ECT2: variants seen among roughly 807,000 people sequenced by gnomAD.
The protein encoded by ECT2 is protein ECT2.
In ECT2, 61 loss-of-function variants were observed where a neutral mutation model predicts 116.9. That is an observed-to-expected ratio of 0.52 (90% CI 0.42 to 0.65). ECT2 has a LOEUF of 0.65. Among genes scored for constraint, ECT2 ranks in the 30% least tolerant of loss-of-function variants. The pLI is 0.00. For missense variants in ECT2, 937 were observed against 1,078.7 expected (o/e 0.87, Z 1.84); for synonymous variants, 358 against 346.4 (o/e 1.03, Z -0.37).
intron 15 of ECT2, among the ~76,000 whole-genome samples, chr3:172,782,915 G>A (rs546935370): frequency 3.8e-4 from 57 of 151,990 alleles, no homozygotes; most frequent in African/African-American, 9.4e-4. Context: ...TAGTGTATAT[G>A]TACCACATTT....
intron 13 of ECT2, among the ~76,000 whole-genome samples, chr3:172,770,556 T>C (rs749803085): frequency 6.6e-6 from 1 of 152,100 alleles, no homozygotes; most frequent in African/African-American, 2.4e-5. Context: ...CCCAGGCTGG[T>C]CTCAAACTTC....
rs1447152205 is a variant in ECT2 at position 172,761,761 on chromosome 3, A to T, written c.758+78A>T. The T allele has an allele frequency of 1.4e-5, 14 of 1,014,878 alleles. No homozygotes were observed. In the Admixed American group the frequency reaches 2.5e-4, roughly 18 times the overall value. 62.9% of individuals were successfully genotyped at this position (1,014,878 alleles called of 1,614,324 possible). A position where few individuals can be genotyped will look rare whatever the true frequency, so the allele number is the denominator to read the frequency against. On this transcript the variant is annotated intron_variant, in intron 8 of 24. Transcript: ENST00000392692. ...AAAGATAAATCCATGTGCTGAAAAAAGTAATTTCATAGATATAAAAACTGA... is the reference window on the plus strand; with the variant it reads ...AAAGATAAATCCATGTGCTGAAAAATGTAATTTCATAGATATAAAAACTGA...
the ECT2 span, chr3:172,829,109 T>G: frequency 1.5e-6 from 1 of 680,372 alleles, no homozygotes; most frequent in African/African-American, 1.8e-5. Context: ...ACAGGCCTGG[T>G]TAGACACCTG....
Position 172,761,531 on chromosome 3 carries a change from TTAAG to T in ECT2, c.685-76_685-73del, listed in dbSNP as rs1022557371. The T allele has an allele frequency of 1.2e-5, 12 of 960,092 alleles. No homozygotes were observed. In the African/African-American group the frequency reaches 1.8e-4, roughly 15 times the overall value. The allele number at this position is 960,092 out of a possible 1,614,324, so 59.5% of individuals were successfully genotyped here. The stretch of plus-strand genomic sequence containing the variant: ...GATAGTGATCTAAAACTGCAAAAAA[TTAAG>T]TATGTTAACTGTTTAGAACTTCCTT... On this transcript the variant is annotated intron_variant, in intron 7 of 24. Transcript: ENST00000392692.
At chr3:172,792,805 C>T (rs1216692251) in intron 18 of ECT2, among the ~76,000 whole-genome samples, 2 of 152,078 alleles carry the variant, frequency 1.3e-5, no homozygotes, top group Non-Finnish European at 2.9e-5. Context: ...ATAACCTCCA[C>T]CTCCCAGGCT....
At chr3:172,810,348 A>G (rs913633170) in intron 22 of ECT2, among the ~76,000 whole-genome samples, 1 of 152,174 alleles carries the variant, frequency 6.6e-6, no homozygotes, top group African/African-American at 2.4e-5. Flanking sequence ...TGGCTACTTA[A>G]GAGTTGCAAT....
At chr3:172,759,097 G>A (rs780988410) in intron 6 of ECT2, 28 bp downstream of exon 6, 23 of 1,470,012 alleles carry the variant, frequency 1.6e-5, no homozygotes, top group South Asian at 2.6e-5. Context: ...AATTCAAAGC[G>A]TATTTTTTAC....
chr3:172,784,498 T>A (rs1165067210), intron 16 of ECT2, among the ~76,000 whole-genome samples: 1 of 152,132 alleles, frequency 6.6e-6, no homozygotes, highest in Admixed American at 6.6e-5. Flanking sequence ...GAACTCACTT[T>A]TTATGTAAGA....
downstream of ECT2, among the ~76,000 whole-genome samples, chr3:172,822,964 G>C (rs1730748083): frequency 6.6e-6 from 1 of 151,906 alleles, no homozygotes. Flanking sequence ...TATTTGAAGA[G>C]TTGAGAGTTT....
chr3:172,826,053 C>T (rs1307201274), downstream of ECT2, among the ~76,000 whole-genome samples: 1 of 152,168 alleles, frequency 6.6e-6, no homozygotes, highest in Non-Finnish European at 1.5e-5. Context: ...CCCGCCACGC[C>T]CTGCTAATTT....
chr3:172,757,887 G>C (rs781323931), intron 5 of ECT2, among the ~76,000 whole-genome samples: 5 of 151,478 alleles, frequency 3.3e-5, no homozygotes, highest in Non-Finnish European at 5.9e-5. Context: ...TTAGCTTTTT[G>C]TATTTATTTA....
intron 16 of ECT2, 55 bp from the exon 17 acceptor site, chr3:172,784,652 G>A: frequency 2.4e-6 from 3 of 1,264,400 alleles, no homozygotes; most frequent in Non-Finnish European, 3.5e-6. Context: ...TAAAAGTAGG[G>A]CATATAATCT....
At chr3:172,822,293 G>A (rs1193239663), downstream of ECT2, among the ~76,000 whole-genome samples, 1 of 152,006 alleles carries the variant, frequency 6.6e-6, no homozygotes, top group Non-Finnish European at 1.5e-5. Context: ...TTGGTACCAT[G>A]TCTGAGTAAG....
rs377416096 is a variant in ECT2, at chr3:172,820,154, C to T, written c.2662C>T (p.Pro888Ser). 2.6e-5 allele frequency: 42 copies of T among 1,606,186 alleles called. No individual in the cohort carries two copies. Among genetic ancestry groups the T allele is most frequent in the Non-Finnish European group, 3.6e-5 (42 of 1,175,128 alleles). ...GTTTGTTTTGTCTTAACAGGGTATC[C>T]CTTCTCCCTCCCTTGTCAGCCTTCC... The part of the protein sequence containing the change: ...LSSTSSLAGI[P>S]SPSLVSLPSF... Residue 888 changes from proline (P) to serine (S), a missense_variant, in exon 25 of 25, where the codon CCT (proline) becomes TCT (serine). By Grantham distance (74) the Pro-to-Ser change is moderately conservative. Transcript: ENST00000392692.
chr3:172,827,575 A>G, the ECT2 span, among the ~76,000 whole-genome samples: 2 of 152,216 alleles, frequency 1.3e-5, no homozygotes, highest in Non-Finnish European at 2.9e-5. Context: ...CTGAAAATTA[A>G]AAGTTGAACA....
At chr3:172,818,602 G>A in intron 24 of ECT2, 2 of 1,288,216 alleles carry the variant, frequency 1.6e-6, no homozygotes, top group Non-Finnish European at 2.0e-6. Flanking sequence ...GCATGTTTAT[G>A]TTCAGCGCCT....
intron 6 of ECT2, 76 bp downstream of exon 6, chr3:172,759,145 G>C (rs1468962339): frequency 1.2e-5 from 12 of 1,002,184 alleles, no homozygotes; most frequent in Non-Finnish European, 1.5e-5. Flanking sequence ...TTTCTTTTTA[G>C]TATTATGGTT....
intron 1 of ECT2, among the ~76,000 whole-genome samples, chr3:172,751,864 T>C (rs1715921602): frequency 6.6e-6 from 1 of 152,206 alleles, no homozygotes; most frequent in Non-Finnish European, 1.5e-5. Flanking sequence ...AAGTGATTAA[T>C]ATATTTCCAT....
intron 14 of ECT2, among the ~76,000 whole-genome samples, chr3:172,780,672 C>T (rs1722539197): frequency 6.6e-6 from 1 of 152,144 alleles, no homozygotes. Flanking sequence ...TTATTTTCAC[C>T]AGTAATGAAT....
Sources: allele counts gnomAD v4.1 joint callset (sites outside exome capture counted in the v4.1 genomes callset), GRCh38; gene constraint gnomAD v4.1.1; transcripts MANE v1.5; gene names NCBI Gene and HGNC (gene_info 2026-07-23, HGNC 2026-07-21).